Variants in MBD5 observed in about 807,000 individuals in gnomAD.
MBD5 encodes methyl-CpG-binding domain protein 5.
MBD5 carries 13 observed loss-of-function variants against 117.3 expected under a neutral mutation model. The observed-to-expected ratio is 0.11, with a 90% CI of 0.07 to 0.18. The LOEUF (loss-of-function observed/expected upper bound fraction) is 0.18, where lower values mean the gene tolerates loss of function less well. MBD5 is among the 10% of genes least tolerant of loss of function. The pLI is 1.00. For synonymous variants in MBD5, 727 were observed against 766.4 expected (o/e 0.95, Z 0.85); for missense variants, 1,879 against 2,093.8 (o/e 0.90, Z 2.00).
chr2:148,294,798 G>A (rs1269515313), intron 3 of MBD5, among the ~76,000 whole-genome samples: 7 of 152,044 alleles, frequency 4.6e-5, no homozygotes, highest in Non-Finnish European at 8.8e-5. Context: ...GAGCCACCAC[G>A]TCCAGCCCAG....
intron 2 of MBD5, among the ~76,000 whole-genome samples, chr2:148,214,586 A>C (rs1476834058): frequency 1.3e-5 from 2 of 152,178 alleles, no homozygotes; most frequent in Non-Finnish European, 2.9e-5. Context: ...AGTTCTTGCT[A>C]ATCTGAGCTT....
intron 1 of MBD5, among the ~76,000 whole-genome samples, chr2:148,084,189 T>C (rs1695720703): frequency 1.3e-5 from 2 of 152,216 alleles, no homozygotes; most frequent in East Asian, 1.9e-4. Context: ...ACCATTAATA[T>C]TGGGCAGATC....
chr2:148,462,344 C>G (rs746035414), intron 5 of MBD5, among the ~76,000 whole-genome samples: 9 of 152,040 alleles, frequency 5.9e-5, no homozygotes, highest in Non-Finnish European at 1.0e-4. Flanking sequence ...TTTCAGAATA[C>G]TTTTATTTAA....
chr2:148,308,491 CTTT>C (rs60650324), intron 3 of MBD5, among the ~76,000 whole-genome samples: 811 of 66,714 alleles, frequency 0.012, 1 homozygote, highest in East Asian at 0.03. Flanking sequence ...GGGGTTCTTT[CTTT>C]TTTTTTTTTT....
chr2:148,068,398 C>T (rs956287268), intron 1 of MBD5, among the ~76,000 whole-genome samples: 6 of 152,114 alleles, frequency 3.9e-5, no homozygotes, highest in African/African-American at 1.2e-4. Context: ...CCTAAGGAGA[C>T]CTCTTAGTGG....
chr2:148,328,060 G>A (rs1702510563), intron 3 of MBD5, among the ~76,000 whole-genome samples: 2 of 152,122 alleles, frequency 1.3e-5, no homozygotes, highest in African/African-American at 2.4e-5. Flanking sequence ...CCTTCTAACA[G>A]ACAGGACCCT....
At chr2:148,284,903 C>A (rs2106398890) in intron 3 of MBD5, among the ~76,000 whole-genome samples, 1 of 152,268 alleles carries the variant, frequency 6.6e-6, no homozygotes, top group South Asian at 2.1e-4. Flanking sequence ...TAAAGGTTGT[C>A]TACCCACACT....
At chr2:148,115,246 T>A (rs1482422926) in intron 1 of MBD5, among the ~76,000 whole-genome samples, 1 of 152,204 alleles carries the variant, frequency 6.6e-6, no homozygotes, top group Admixed American at 6.5e-5. Flanking sequence ...GACATCTGTG[T>A]GCTTTATTAT....
intron 3 of MBD5, among the ~76,000 whole-genome samples, chr2:148,275,603 A>G (rs978819071): frequency 6.6e-6 from 1 of 152,160 alleles, no homozygotes; most frequent in African/African-American, 2.4e-5. Flanking sequence ...AGGCTCATCT[A>G]CTTTATGAGA....
intron 1 of MBD5, among the ~76,000 whole-genome samples, chr2:148,050,001 G>A (rs1694649365): frequency 6.6e-6 from 1 of 152,036 alleles, no homozygotes; most frequent in African/African-American, 2.4e-5. Flanking sequence ...TTTGGTTATG[G>A]ATAATGCTGC....
intron 2 of MBD5, among the ~76,000 whole-genome samples, chr2:148,219,095 C>T (rs972256364): frequency 2.0e-5 from 3 of 152,176 alleles, no homozygotes; most frequent in Admixed American, 6.6e-5. Flanking sequence ...TCATGTACAG[C>T]TGTGCAAAAA....
At chr2:148,418,098 C>T (rs1159558184) in intron 4 of MBD5, among the ~76,000 whole-genome samples, 1 of 152,098 alleles carries the variant, frequency 6.6e-6, no homozygotes, top group African/African-American at 2.4e-5. Flanking sequence ...TTTCAGCCTC[C>T]CAAAGTGCTG....
intron 3 of MBD5, among the ~76,000 whole-genome samples, chr2:148,238,988 A>T (rs912294555): frequency 1.3e-5 from 2 of 149,632 alleles, no homozygotes; most frequent in Non-Finnish European, 3.0e-5. Flanking sequence ...TTCAACCCAT[A>T]ACTCTATCAT....
At chr2:148,175,069 T>C (rs771775372) in intron 1 of MBD5, among the ~76,000 whole-genome samples, 4 of 152,094 alleles carry the variant, frequency 2.6e-5, no homozygotes, top group Non-Finnish European at 5.9e-5. Context: ...GGATAAAAAG[T>C]AGAGTATGGT....
chr2:148,269,223 A>G (rs1478557156), intron 3 of MBD5, among the ~76,000 whole-genome samples: 1 of 149,162 alleles, frequency 6.7e-6, no homozygotes, highest in Admixed American at 6.6e-5. Flanking sequence ...ATCTTTATTC[A>G]CCTCTTATTT....
chr2:148,455,758 G>GA (rs35160968), intron 4 of MBD5, among the ~76,000 whole-genome samples: 133 of 133,976 alleles, frequency 9.9e-4, no homozygotes, highest in Admixed American at 1.4e-3. Context: ...AGAGCAGGCA[G>GA]AAAAAAAAAA....
intron 2 of MBD5, among the ~76,000 whole-genome samples, chr2:148,182,213 T>C (rs1288142148): frequency 6.6e-6 from 1 of 152,182 alleles, no homozygotes; most frequent in Non-Finnish European, 1.5e-5. Context: ...TCTTCTATTT[T>C]TAGTTTGCTA....
intron 3 of MBD5, among the ~76,000 whole-genome samples, chr2:148,302,578 T>C (rs145670542): frequency 5.7e-4 from 87 of 152,288 alleles, no homozygotes; most frequent in Non-Finnish European, 9.3e-4. Flanking sequence ...GGGACTTAGA[T>C]TGGATTATTT....
chr2:148,064,121 CTTTTTTCTTTTT>C (rs1355257128), intron 1 of MBD5, among the ~76,000 whole-genome samples: 2 of 126,152 alleles, frequency 1.6e-5, no homozygotes, highest in Admixed American at 8.4e-5. Context: ...CACCAGCTGT[CTTTTTTCTTTTT>C]TTTTTTTTTT....
Sources: allele counts gnomAD v4.1 joint callset (sites outside exome capture counted in the v4.1 genomes callset), GRCh38; gene constraint gnomAD v4.1.1; transcripts MANE v1.5; gene names NCBI Gene and HGNC (gene_info 2026-07-23, HGNC 2026-07-21).